PDE4D: variants seen among roughly 807,000 people sequenced by gnomAD.
The protein encoded by PDE4D is phosphodiesterase 4D, also known as 3',5'-cyclic-AMP phosphodiesterase 4D.
In PDE4D, 24 loss-of-function variants were observed where a neutral mutation model predicts 87.4. The observed-to-expected ratio is 0.27, with a 90% CI of 0.20 to 0.39. The LOEUF (loss-of-function observed/expected upper bound fraction) is 0.39, where lower values mean the gene tolerates loss of function less well. PDE4D is among the 10% of genes least tolerant of loss of function. The pLI, the probability that PDE4D is intolerant of heterozygous loss-of-function variation, is 1.00. For synonymous variants in PDE4D, 384 were observed against 383.2 expected (o/e 1.00, Z -0.02); for missense variants, 714 against 1,041.0 (o/e 0.69, Z 4.32).
intron 1 of PDE4D, among the ~76,000 whole-genome samples, chr5:59,800,942 T>G (rs1767055976): frequency 6.6e-6 from 1 of 152,254 alleles, no homozygotes; most frequent in Admixed American, 6.5e-5. Context: ...GTGAGGATGA[T>G]GAGGATGTGA....
intron 3 of PDE4D, among the ~76,000 whole-genome samples, chr5:59,903,372 T>C (rs895254511): frequency 9.9e-5 from 15 of 151,850 alleles, no homozygotes; most frequent in Non-Finnish European, 2.1e-4. Context: ...CTCTATCTTC[T>C]CAATATTATC....
intron 2 of PDE4D, among the ~76,000 whole-genome samples, chr5:60,117,527 T>G (rs1778274139): frequency 6.6e-6 from 1 of 152,114 alleles, no homozygotes; most frequent in Non-Finnish European, 1.5e-5. Flanking sequence ...CCCTTTATAT[T>G]CCCTTTTTAA....
chr5:60,452,997 TG>T (rs998143002), intron 1 of PDE4D, among the ~76,000 whole-genome samples: 33 of 152,214 alleles, frequency 2.2e-4, no homozygotes, highest in African/African-American at 7.7e-4. Flanking sequence ...ATTGTACATG[TG>T]CATTGGTCAA....
At chr5:59,604,163 T>C (rs575969695) in intron 1 of PDE4D, among the ~76,000 whole-genome samples, 121 of 152,154 alleles carry the variant, frequency 8.0e-4, no homozygotes, top group Middle Eastern at 3.4e-3. Context: ...CACAGGCTTT[T>C]AGTATCATCG....
intron 1 of PDE4D, among the ~76,000 whole-genome samples, chr5:60,432,474 C>T (rs1292567400): frequency 6.6e-6 from 1 of 152,112 alleles, no homozygotes; most frequent in Non-Finnish European, 1.5e-5. Flanking sequence ...CTTCCTGGTT[C>T]AGTCTCGAGA....
At chr5:59,401,555 G>A (rs576514154) in intron 1 of PDE4D, among the ~76,000 whole-genome samples, 28 of 152,188 alleles carry the variant, frequency 1.8e-4, no homozygotes, top group South Asian at 2.1e-4. Flanking sequence ...GGAGGGTGGC[G>A]TGCAATTGAG....
chr5:60,134,317 C>A (rs892472979), intron 2 of PDE4D, among the ~76,000 whole-genome samples: 1 of 152,060 alleles, frequency 6.6e-6, no homozygotes, highest in Non-Finnish European at 1.5e-5. Context: ...AGTGACATCT[C>A]TTTTGTAGAG....
intron 1 of PDE4D, among the ~76,000 whole-genome samples, chr5:59,747,939 A>G (rs183141958): frequency 4.9e-4 from 75 of 152,262 alleles, no homozygotes; most frequent in Non-Finnish European, 5.3e-4. Flanking sequence ...CCACACAAAC[A>G]TAATACAATT....
intron 1 of PDE4D, among the ~76,000 whole-genome samples, chr5:60,465,772 A>G (rs944557121): frequency 2.0e-5 from 3 of 152,096 alleles, no homozygotes; most frequent in Admixed American, 6.6e-5. Context: ...CTACCTAAAC[A>G]TGCTCCAAAC....
intron 3 of PDE4D, among the ~76,000 whole-genome samples, chr5:59,950,419 T>G (rs1384127214): frequency 6.6e-6 from 1 of 152,160 alleles, no homozygotes; most frequent in Admixed American, 6.5e-5. Context: ...TATTTTATAA[T>G]TAGATCTTCA....
intron 2 of PDE4D, among the ~76,000 whole-genome samples, chr5:60,112,455 T>C (rs1582719604): frequency 6.6e-6 from 1 of 152,228 alleles, no homozygotes; most frequent in African/African-American, 2.4e-5. Context: ...CATGACTCAC[T>C]TCTGGTTTAG....
chr5:59,313,495 T>G (rs72767722), intron 1 of PDE4D, among the ~76,000 whole-genome samples: 10,198 of 151,720 alleles, frequency 0.067, 469 homozygotes, highest in South Asian at 0.13. Context: ...GTTTTAGAGA[T>G]GCCCCACACT....
chr5:59,723,660 T>C (rs868261173), intron 1 of PDE4D, among the ~76,000 whole-genome samples: 2 of 152,142 alleles, frequency 1.3e-5, no homozygotes, highest in South Asian at 4.1e-4. Flanking sequence ...TCCTGAATCA[T>C]AGAAGAAATC....
At chr5:59,757,093 C>T (rs951908722) in intron 1 of PDE4D, among the ~76,000 whole-genome samples, 8 of 152,148 alleles carry the variant, frequency 5.3e-5, no homozygotes, top group African/African-American at 1.9e-4. Flanking sequence ...CTACCGCACC[C>T]GGCCGGTTCT....
intron 1 of PDE4D, among the ~76,000 whole-genome samples, chr5:59,760,047 A>T (rs1344966903): frequency 6.6e-6 from 1 of 152,192 alleles, no homozygotes; most frequent in Non-Finnish European, 1.5e-5. Context: ...TTTTTACTCT[A>T]CAAACTCTAA....
At chr5:59,366,864 G>T (rs895147796) in intron 1 of PDE4D, among the ~76,000 whole-genome samples, 7 of 152,152 alleles carry the variant, frequency 4.6e-5, no homozygotes, top group African/African-American at 1.7e-4. Flanking sequence ...TCAGCAATTT[G>T]AAATGCAGGT....
At chr5:59,041,616 G>T (rs1355199783) in intron 5 of PDE4D, among the ~76,000 whole-genome samples, 1 of 152,098 alleles carries the variant, frequency 6.6e-6, no homozygotes, top group Non-Finnish European at 1.5e-5. Flanking sequence ...TTCAATCATT[G>T]GTTACAATGA....
intron 3 of PDE4D, among the ~76,000 whole-genome samples, chr5:59,953,581 A>G (rs1286294640): frequency 2.0e-5 from 3 of 152,180 alleles, no homozygotes; most frequent in African/African-American, 7.2e-5. Context: ...GTAAATCTCC[A>G]TTTCCTAACA....
chr5:59,745,476 G>A (rs1003946216), intron 1 of PDE4D, among the ~76,000 whole-genome samples: 5 of 152,148 alleles, frequency 3.3e-5, no homozygotes, highest in East Asian at 1.9e-4. Context: ...TGGCAAGAGC[G>A]TCATCAGAGT....
Sources: allele counts gnomAD v4.1 joint callset (sites outside exome capture counted in the v4.1 genomes callset), GRCh38; gene constraint gnomAD v4.1.1; transcripts MANE v1.5; gene names NCBI Gene and HGNC (gene_info 2026-07-23, HGNC 2026-07-21).